The following RNF180 variants were observed in gnomAD, a reference collection of about 807,000 sequenced individuals.
The protein encoded by RNF180 is ring finger protein 180.
In RNF180, 38 loss-of-function variants were observed where a neutral mutation model predicts 59.2. That is an observed-to-expected ratio of 0.64 (90% CI 0.50 to 0.84). The LOEUF (loss-of-function observed/expected upper bound fraction) is 0.84, where lower values mean the gene tolerates loss of function less well. RNF180 is among the 40% of genes least tolerant of loss of function. RNF180 has a pLI of 0.00. For missense variants in RNF180, 705 were observed against 700.9 expected, an observed-to-expected ratio of 1.01 and a Z score of -0.07; for synonymous variants, 262 against 240.3, an observed-to-expected ratio of 1.09 and a Z score of -0.84.
Position 64,369,449 on chromosome 5 carries a change from TTAAAG to T in RNF180, c.1580-163_1580-159del, listed in dbSNP as rs538915388. 7.8e-3 allele frequency among the ~76,000 whole-genome samples: 1,115 copies of T among 142,756 alleles called. 11 individuals are homozygous for T. Among genetic ancestry groups the T allele is most frequent in the African/African-American group, 0.03 (1,074 of 36,318 alleles). 93.7% of individuals were successfully genotyped at this position (142,756 alleles called of 152,430 possible). ...ACATTGTGCACATGTACCCTAAAAC[TTAAAG>T]TATAATAATAATAAAAAAAAAAGAA... On this transcript the variant is annotated intron_variant, in intron 7 of 7. Coordinates refer to ENST00000389100, the MANE Select transcript of RNF180 (RefSeq NM_001113561.2).
intron 4 of RNF180, 54 bp downstream of exon 4, chr5:64,214,571 T>G: frequency 1.3e-6 from 2 of 1,491,658 alleles, no homozygotes; most frequent in Non-Finnish European, 1.8e-6. Context: ...TACTGGAGTT[T>G]GGGGAGTGGA....
intron 6 of RNF180, 91 bp from the exon 7 acceptor site, chr5:64,330,190 A>C (rs74426667): frequency 2.4e-6 from 2 of 845,258 alleles, no homozygotes; most frequent in East Asian, 2.7e-5. Flanking sequence ...TGTATCAAAT[A>C]GTATCAAAAT....
chr5:64,285,616 G>A (rs1327513997), intron 5 of RNF180, among the ~76,000 whole-genome samples: 3 of 152,122 alleles, frequency 2.0e-5, no homozygotes, highest in African/African-American at 7.2e-5. Context: ...AGGGACTCCC[G>A]GGAGCACCAT....
At chr5:64,350,635 A>G (rs1745761844) in intron 7 of RNF180, among the ~76,000 whole-genome samples, 1 of 152,162 alleles carries the variant, frequency 6.6e-6, no homozygotes, top group Admixed American at 6.6e-5. Context: ...ATGGCTAGCC[A>G]GTTTTCCCAG....
chr5:64,328,769 A>G (rs1464414155), intron 6 of RNF180, among the ~76,000 whole-genome samples: 1 of 152,246 alleles, frequency 6.6e-6, no homozygotes, highest in Non-Finnish European at 1.5e-5. Flanking sequence ...TGATTAAGAA[A>G]AATTGAGAAA....
intron 5 of RNF180, among the ~76,000 whole-genome samples, chr5:64,273,636 T>C (rs1741555323): frequency 1.3e-5 from 2 of 151,948 alleles, no homozygotes; most frequent in Admixed American, 1.3e-4. Flanking sequence ...TTGGCTCTAG[T>C]AACAGCAGAA....
chr5:64,252,799 C>T (rs1403787079), intron 5 of RNF180, among the ~76,000 whole-genome samples: 1 of 152,070 alleles, frequency 6.6e-6, no homozygotes, highest in Non-Finnish European at 1.5e-5. Flanking sequence ...TTGTGGAACA[C>T]AGGTTTTAGT....
chr5:64,357,501 A>G (rs1231233650), intron 7 of RNF180, among the ~76,000 whole-genome samples: 1 of 151,892 alleles, frequency 6.6e-6, no homozygotes, highest in African/African-American at 2.4e-5. Flanking sequence ...TCTTTCAAAT[A>G]TGTTCATATT....
At chr5:64,233,792 A>C (rs1452844323) in intron 5 of RNF180, among the ~76,000 whole-genome samples, 1 of 152,220 alleles carries the variant, frequency 6.6e-6, no homozygotes, top group African/African-American at 2.4e-5. Context: ...AGAAAAATTC[A>C]ATAACCTTTC....
intron 2 of RNF180, among the ~76,000 whole-genome samples, chr5:64,206,487 A>G (rs1752022289): frequency 6.6e-6 from 1 of 152,052 alleles, no homozygotes; most frequent in African/African-American, 2.4e-5. Flanking sequence ...TGGCTTTATT[A>G]TTCTGGTGGT....
intron 5 of RNF180, among the ~76,000 whole-genome samples, chr5:64,266,533 CAT>C (rs1375103482): frequency 7.2e-5 from 11 of 152,094 alleles, no homozygotes; most frequent in Non-Finnish European, 1.2e-4. Context: ...TAGCCAGAAA[CAT>C]GTGTTTGCAC....
At chr5:64,193,102 G>A (rs778291651) in intron 1 of RNF180, among the ~76,000 whole-genome samples, 6 of 151,616 alleles carry the variant, frequency 4.0e-5, no homozygotes. Flanking sequence ...TAGATGCAGG[G>A]AATAGAATTG....
chr5:64,188,903 T>G (rs938429754), intron 1 of RNF180, among the ~76,000 whole-genome samples: 7 of 152,176 alleles, frequency 4.6e-5, no homozygotes. Context: ...ACTCCCAATG[T>G]GACTATATTT....
chr5:64,294,796 C>G (rs1311010169), intron 5 of RNF180, among the ~76,000 whole-genome samples: 1 of 152,088 alleles, frequency 6.6e-6, no homozygotes, highest in Non-Finnish European at 1.5e-5. Context: ...TTGCTGTAAA[C>G]TTTACCTACA....
chr5:64,288,266 C>T (rs952650159), intron 5 of RNF180, among the ~76,000 whole-genome samples: 1 of 151,980 alleles, frequency 6.6e-6, no homozygotes, highest in Non-Finnish European at 1.5e-5. Flanking sequence ...TATGTGTGTG[C>T]TTTTGTACCA....
chr5:64,236,224 G>C (rs1742434701), intron 5 of RNF180, among the ~76,000 whole-genome samples: 2 of 152,204 alleles, frequency 1.3e-5, no homozygotes, highest in South Asian at 4.1e-4. Context: ...GGTCTCAGGT[G>C]GAGATGAGGA....
intron 7 of RNF180, among the ~76,000 whole-genome samples, chr5:64,355,668 A>T (rs1745989625): frequency 6.6e-6 from 1 of 151,986 alleles, no homozygotes; most frequent in Admixed American, 6.6e-5. Context: ...TACAGTAATC[A>T]AAACAGTGTA....
chr5:64,196,386 C>T (rs1398173643), intron 1 of RNF180, among the ~76,000 whole-genome samples: 1 of 152,084 alleles, frequency 6.6e-6, no homozygotes, highest in African/African-American at 2.4e-5. Flanking sequence ...AACTCCCTTT[C>T]TCTCAGGTTA....
intron 5 of RNF180, among the ~76,000 whole-genome samples, chr5:64,287,848 G>C (rs1742367958): frequency 6.6e-6 from 1 of 151,952 alleles, no homozygotes; most frequent in African/African-American, 2.4e-5. Context: ...CATTCTTTAG[G>C]TTGTCGGTTC....
Sources: gnomAD v4.1 joint callset for allele counts (sites outside exome capture counted in the v4.1 genomes callset) on GRCh38, gnomAD v4.1.1 for gene constraint, MANE v1.5 for transcripts, NCBI Gene and HGNC (gene_info 2026-07-23, HGNC 2026-07-21) for gene names.